The following EIF2B1 variants were observed in gnomAD, a reference collection of about 807,000 sequenced individuals.
EIF2B1 encodes the protein eukaryotic translation initiation factor 2B subunit alpha, also known as translation initiation factor eIF2B subunit alpha.
EIF2B1 carries 30 observed loss-of-function variants against 36.8 expected under a neutral mutation model. The observed-to-expected ratio is 0.81, with a 90% CI of 0.61 to 1.10. The LOEUF is 1.10. EIF2B1 is among the 50% of genes least tolerant of loss of function. The pLI, the probability that EIF2B1 is intolerant of heterozygous loss-of-function variation, is 0.00. For missense variants in EIF2B1, 271 were observed against 374.8 expected (o/e 0.72, Z 2.29); for synonymous variants, 139 against 142.2 (o/e 0.98, Z 0.16).
chr12:123,622,410 G>C (rs962540358), intron 8 of EIF2B1, among the ~76,000 whole-genome samples: 1 of 152,192 alleles, frequency 6.6e-6, no homozygotes, highest in African/African-American at 2.4e-5. Context: ...TTACCCACCA[G>C]CTTCGGGCTT....
In EIF2B1 at chr12:123,622,754, G is replaced by A; in HGVS notation, c.635C>T (p.Thr212Ile). The change falls in exon 8 of 9, where the codon ACC becomes ATC. Residue 212 changes from threonine to isoleucine, a missense_variant. Physicochemically the swap from Thr to Ile is moderately conservative, Grantham distance 89. Coordinates refer to ENST00000424014, the MANE Select transcript of EIF2B1 (RefSeq NM_001414.4). Reference protein sequence around the residue: ...ENGGIINKIGTNQMAVCAKAQ... With the variant: ...ENGGIINKIGINQMAVCAKAQ... Reference sequence around the variant, plus strand: ...TTTGGCACACACAGCCATCTGGTTGGTTCCAATCTGGGAAGGCAGAAAATG... The same window carrying A: ...TTTGGCACACACAGCCATCTGGTTGATTCCAATCTGGGAAGGCAGAAAATG... 1 of 1,613,978 alleles carries A rather than the reference G, an allele frequency of 6.2e-7. No individual in the cohort carries two copies. The highest frequency in any genetic ancestry group is 8.5e-7 in the Non-Finnish European group (1 of 1,179,882).
intron 8 of EIF2B1, 45 bp from the exon 9 acceptor site, chr12:123,621,965 T>A (rs1593776747): frequency 6.2e-7 from 1 of 1,607,178 alleles, no homozygotes; most frequent in East Asian, 2.2e-5. Context: ...TATTTAGTGC[T>A]CTGACCTGGT....
Position 123,630,687 on chromosome 12 carries a change from C to T in EIF2B1, c.116-154G>A, listed in dbSNP as rs1277049325. Among the ~76,000 whole-genome samples the T allele has an allele frequency of 6.6e-6, 1 of 152,190 alleles. No homozygotes were observed. Among genetic ancestry groups the T allele is most frequent in the Admixed American group, 6.5e-5 (1 of 15,276 alleles). On this transcript the variant is annotated intron_variant, in intron 2 of 8. Coordinates refer to ENST00000424014, the MANE Select transcript of EIF2B1 (RefSeq NM_001414.4). The surrounding 1 kb of genome is among the most constrained non-coding windows in gnomAD (Gnocchi z 4.6). ...GCTAGGGATACATCAGTGAACAAGA[C>T]AGGTAGGGTTCTGCTGTGATGGAGT...
chr12:123,629,119 G>A (rs1955169744), intron 4 of EIF2B1, among the ~76,000 whole-genome samples: 1 of 152,104 alleles, frequency 6.6e-6, no homozygotes, highest in Non-Finnish European at 1.5e-5. Context: ...TACTTCAAAG[G>A]TTGGGAAGGG....
At chr12:123,622,587 A>G in intron 8 of EIF2B1, 49 bp downstream of exon 8, 1 of 1,612,366 alleles carries the variant, frequency 6.2e-7, no homozygotes, top group Non-Finnish European at 8.5e-7. Context: ...CAATTTCCAA[A>G]GGTTTCTGTT....
chr12:123,629,389 C>A (rs1162343766), intron 4 of EIF2B1, among the ~76,000 whole-genome samples: 1 of 152,192 alleles, frequency 6.6e-6, no homozygotes, highest in Admixed American at 6.5e-5. Flanking sequence ...CTATTGCTAA[C>A]CTTCACTAAG....
At position 123,630,471 on chromosome 12, in the gene EIF2B1, C is replaced by G. The variant is rs184545759; in HGVS notation, c.178G>C (p.Asp60His). 4.3e-6 allele frequency: 7 copies of G among 1,614,014 alleles called. No homozygotes were observed. In the African/African-American group the frequency reaches 6.7e-5, roughly 15 times the overall value. ...CCAGAGGACACTGCCACAGAGGAGT[C>G]CACACCACACAGGGTTTCTATGGCA... ...TSAIETLCGV[D>H]SSVAVSSGGE... The change falls in exon 3 of 9, where the codon GAC becomes CAC. Residue 60 changes from aspartate (D) to histidine (H), a missense_variant. Coordinates refer to ENST00000424014, the MANE Select transcript of EIF2B1 (RefSeq NM_001414.4). The surrounding 1 kb of genome is among the most constrained non-coding windows in gnomAD (Gnocchi z 4.6).
intron 7 of EIF2B1, among the ~76,000 whole-genome samples, chr12:123,624,424 A>C (rs1267287290): frequency 1.3e-5 from 2 of 151,780 alleles, no homozygotes; most frequent in African/African-American, 4.8e-5. Flanking sequence ...ACGCCCAGCT[A>C]ATTTTTCTAA....
chr12:123,629,008 G>A (rs1431352649), intron 4 of EIF2B1, among the ~76,000 whole-genome samples: 1 of 141,368 alleles, frequency 7.1e-6, no homozygotes, highest in Non-Finnish European at 1.5e-5. Context: ...CCAGCGAGAG[G>A]AAGTCACAAC....
rs141016684 is a variant in EIF2B1 at position 123,630,403 on chromosome 12, T to C, written c.246A>G (p.Glu82=). The C allele has an allele frequency of 7.4e-6, 12 of 1,613,998 alleles. No individual in the cohort carries two copies. The African/African-American group carries it at 1.3e-4, about 18-fold the overall frequency. The change falls in exon 3 of 9, where the codon GAA becomes GAG. Residue 82 remains glutamate (E), a synonymous_variant. Transcript: ENST00000424014. This position sits in a 1 kb window ranked among gnomAD's most constrained non-coding sequence, Gnocchi z 4.6. ...FLRFISLASL[E]YSDYSKCKKI... Reference sequence around the variant, plus strand: ...AGGGAGAACAGGCACTTACGGAGTATTCCAGGGAGGCAAGACTGATGAAGC... The same window carrying C: ...AGGGAGAACAGGCACTTACGGAGTACTCCAGGGAGGCAAGACTGATGAAGC...
chr12:123,622,769 G>GGC lies in EIF2B1; in HGVS notation c.628-10_628-9dup. On this transcript the variant is annotated splice_polypyrimidine_tract_variant and intron_variant, in intron 7 of 8. Coordinates refer to ENST00000424014, the MANE Select transcript of EIF2B1 (RefSeq NM_001414.4). ...CATCTGGTTGGTTCCAATCTGGGAA[G>GGC]GCAGAAAATGGAATGGATGAGCTCT... 6.2e-7 allele frequency: 1 copy of GGC among 1,613,582 alleles called. No individual in the cohort carries two copies. The highest frequency in any genetic ancestry group is 1.3e-5 in the African/African-American group (1 of 75,036).
intron 8 of EIF2B1, 72 bp downstream of exon 8, chr12:123,622,564 A>G: frequency 1.2e-6 from 2 of 1,602,584 alleles, no homozygotes; most frequent in Non-Finnish European, 1.7e-6. Flanking sequence ...TTACTGGAAC[A>G]TTCTTAGGAC....
At chr12:123,626,926 C>CA (rs1256716290) in intron 5 of EIF2B1, 118 bp downstream of exon 5, 1 of 872,466 alleles carries the variant, frequency 1.1e-6, no homozygotes, top group Non-Finnish European at 1.9e-6. Flanking sequence ...CAATGAAAGG[C>CA]AGTGCTGACT....
chr12:123,624,698 GA>G, intron 7 of EIF2B1, 88 bp downstream of exon 7: 2 of 1,113,188 alleles, frequency 1.8e-6, no homozygotes, highest in East Asian at 4.8e-5. Context: ...GGATTAGAAG[GA>G]ACCATAATCA....
rs1349431183 is a variant in EIF2B1 at position 123,627,095 on chromosome 12, G to A, written c.431C>T (p.Ala144Val). 6.2e-7 allele frequency: 1 copy of A among 1,614,150 alleles called. No homozygotes were observed. Among genetic ancestry groups the A allele is most frequent in the Admixed American group, 1.7e-5 (1 of 60,010 alleles). ...VLRVLEAAVA[A>V]KKRFSVYVTE... Reference sequence around the variant, plus strand: ...GACGTATACACTAAATCGCTTCTTGGCCGCCACGGCTGCTTCCAGGACTCT... The same window carrying A: ...GACGTATACACTAAATCGCTTCTTGACCGCCACGGCTGCTTCCAGGACTCT... Residue 144 changes from alanine to valine, a missense_variant, in exon 5 of 9, where the codon GCC (alanine) becomes GTC (valine). By Grantham distance (64) the Ala-to-Val change is moderately conservative. Transcript: ENST00000424014.
Position 123,630,627 on chromosome 12 carries a change from T to A in EIF2B1, c.116-94A>T, listed in dbSNP as rs1366280672. 5.2e-6 allele frequency: 8 copies of A among 1,529,428 alleles called. No individual in the cohort carries two copies. In the East Asian group the frequency reaches 1.3e-4, roughly 26 times the overall value. 94.7% of individuals were successfully genotyped at this position (1,529,428 alleles called of 1,614,324 possible). On this transcript the variant is annotated intron_variant, in intron 2 of 8. Transcript: ENST00000424014. The surrounding 1 kb of genome is among the most constrained non-coding windows in gnomAD (Gnocchi z 4.6). The stretch of plus-strand genomic sequence containing the variant: ...ATTCATTCATTCAGTGAATATTTAC[T>A]AGGTACATACTATATACCAGGCACT...
Position 123,621,822 on chromosome 12 carries a change from C to G in EIF2B1, c.852G>C (p.Leu284=). 1 of 1,614,058 alleles carries G rather than the reference C, an allele frequency of 6.2e-7. No individual in the cohort carries two copies. ...GTGTCAGCACGCCCAGGTCTGTAAA[C>G]AGCAGAGTGATTAAGGAAGGGGCAG... ...DYTAPSLITL[L]FTDLGVLTPS... The change falls in exon 9 of 9, where the codon CTG becomes CTC. Residue 284 remains leucine, a synonymous_variant. Coordinates refer to ENST00000424014, the MANE Select transcript of EIF2B1 (RefSeq NM_001414.4).
At chr12:123,628,494 C>CTGGGACCACAGGAGTG (rs1306907378) in intron 4 of EIF2B1, among the ~76,000 whole-genome samples, 2 of 151,516 alleles carry the variant, frequency 1.3e-5, no homozygotes, top group African/African-American at 4.9e-5. Context: ...TCCCAAGTAG[C>CTGGGACCACAGGAGTG]TGGGACCACA....
rs962257544 is a variant in EIF2B1, at chr12:123,630,509, G to A, written c.140C>T (p.Ala47Val). Reference sequence around the variant, plus strand: ...GGTTTCTATGGCACTGGTGAGATTCGCCCTCAGACCCTGGATTGTCTCCCC... The same window carrying A: ...GGTTTCTATGGCACTGGTGAGATTCACCCTCAGACCCTGGATTGTCTCCCC... ...DKGETIQGLR[A>V]NLTSAIETLC... Residue 47 changes from alanine (A) to valine (V), a missense_variant, in exon 3 of 9, where the codon GCG (alanine) becomes GTG (valine). Ala to Val is a moderately conservative substitution (Grantham distance 64). Coordinates refer to ENST00000424014, the MANE Select transcript of EIF2B1 (RefSeq NM_001414.4). The surrounding 1 kb of genome is among the most constrained non-coding windows in gnomAD (Gnocchi z 4.6). The A allele has an allele frequency of 3.1e-6, 5 of 1,613,258 alleles. No individual in the cohort carries two copies. The highest frequency in any genetic ancestry group is 4.2e-6 in the Non-Finnish European group (5 of 1,179,922).
Sources: allele counts gnomAD v4.1 joint callset (sites outside exome capture counted in the v4.1 genomes callset), GRCh38; gene constraint gnomAD v4.1.1; non-coding constraint Gnocchi (gnomAD v3.1); transcripts MANE v1.5; gene names NCBI Gene and HGNC (gene_info 2026-07-23, HGNC 2026-07-21).